The following ANKFN1 variants were observed in gnomAD, a reference collection of about 807,000 sequenced individuals.
ANKFN1 encodes ankyrin repeat and fibronectin type III domain containing 1.
In ANKFN1, 74 loss-of-function variants were observed where a neutral mutation model predicts 108.7. The observed-to-expected ratio is 0.68, with a 90% CI of 0.56 to 0.83. ANKFN1 has a LOEUF of 0.83. ANKFN1 is among the 40% of genes least tolerant of loss of function. The pLI is 0.00. For missense variants in ANKFN1, 1,505 were observed against 1,382.3 expected, an observed-to-expected ratio of 1.09 and a Z score of -1.41; for synonymous variants, 547 against 516.2, an observed-to-expected ratio of 1.06 and a Z score of -0.81.
intron 1 of ANKFN1, among the ~76,000 whole-genome samples, chr17:56,167,692 G>A (rs1357986227): frequency 6.6e-6 from 1 of 152,104 alleles, no homozygotes; most frequent in Non-Finnish European, 1.5e-5. Flanking sequence ...TCCATTGCAG[G>A]CAAGCAGGAA....
chr17:56,085,180 C>CATATATATATATAT lies in ANKFN1; in HGVS notation c.288+38870_288+38883dup, dbSNP rs10572105. Among the ~76,000 whole-genome samples, 352 of 137,674 alleles carry CATATATATATATAT rather than the reference C, an allele frequency of 2.6e-3. 3 individuals are homozygous for CATATATATATATAT. Among genetic ancestry groups the CATATATATATATAT allele is most frequent in the African/African-American group, 9.3e-3 (333 of 35,616 alleles). 90.3% of individuals were successfully genotyped at this position (137,674 alleles called of 152,430 possible). A position where few individuals can be genotyped will look rare whatever the true frequency, so the allele number is the denominator to read the frequency against. The stretch of plus-strand genomic sequence containing the variant: ...TCTGGTTAAATGTTGCCCTCCAAAG[C>CATATATATATATAT]ATATATATATATATATATATATATA... On this transcript the variant is annotated intron_variant, in intron 4 of 12. Coordinates refer to the ANKFN1 transcript ENST00000635860.
At chr17:56,207,512 A>G (rs1459881579) in intron 1 of ANKFN1, among the ~76,000 whole-genome samples, 1 of 151,968 alleles carries the variant, frequency 6.6e-6, no homozygotes, top group Non-Finnish European at 1.5e-5. Context: ...TGGTCCTTAA[A>G]TCTCCAGGCC....
At chr17:56,357,266 A>G (rs1188884868) in intron 6 of ANKFN1, among the ~76,000 whole-genome samples, 1 of 152,250 alleles carries the variant, frequency 6.6e-6, no homozygotes, top group Non-Finnish European at 1.5e-5. Context: ...TGAAGTCTCC[A>G]CATACAACAT....
intron 1 of ANKFN1, among the ~76,000 whole-genome samples, chr17:56,161,188 G>A (rs898413251): frequency 6.6e-6 from 1 of 152,166 alleles, no homozygotes; most frequent in African/African-American, 2.4e-5. Context: ...GATTAAATGA[G>A]ATTATGCATT....
At chr17:56,135,346 T>C (rs1907536055) in intron 4 of ANKFN1, among the ~76,000 whole-genome samples, 1 of 152,206 alleles carries the variant, frequency 6.6e-6, no homozygotes, top group Non-Finnish European at 1.5e-5. Context: ...GACTATTTTC[T>C]GCCCCAAGTC....
intron 4 of ANKFN1, among the ~76,000 whole-genome samples, chr17:56,053,135 A>G (rs140178023): frequency 2.6e-3 from 401 of 152,298 alleles, no homozygotes; most frequent in African/African-American, 9.1e-3. Context: ...GGCTTTGAGC[A>G]TATATTATTT....
chr17:56,401,319 T>C (rs887266106), intron 8 of ANKFN1, among the ~76,000 whole-genome samples: 3 of 151,704 alleles, frequency 2.0e-5, no homozygotes, highest in African/African-American at 7.3e-5. Flanking sequence ...GTTAGGTACA[T>C]TCCGAAGTAT....
intron 3 of ANKFN1, among the ~76,000 whole-genome samples, chr17:56,238,578 T>C (rs1297283485): frequency 6.6e-6 from 1 of 152,132 alleles, no homozygotes; most frequent in Non-Finnish European, 1.5e-5. Flanking sequence ...TTAAAGTCTG[T>C]TTTGTCTGAA....
chr17:56,391,583 T>C (rs1407286038), intron 8 of ANKFN1, among the ~76,000 whole-genome samples: 1 of 151,792 alleles, frequency 6.6e-6, no homozygotes, highest in Non-Finnish European at 1.5e-5. Context: ...TGTGCCACCA[T>C]GCCCTGCTAA....
At chr17:56,424,329 T>C (rs898125906) in intron 8 of ANKFN1, among the ~76,000 whole-genome samples, 1 of 152,216 alleles carries the variant, frequency 6.6e-6, no homozygotes, top group African/African-American at 2.4e-5. Flanking sequence ...TTCATTAAAC[T>C]GTGTGAGAAG....
intron 8 of ANKFN1, among the ~76,000 whole-genome samples, chr17:56,414,974 C>G (rs772523782): frequency 6.6e-6 from 1 of 151,792 alleles, no homozygotes; most frequent in Non-Finnish European, 1.5e-5. Flanking sequence ...GAGCCAAGAT[C>G]GCACCACTGC....
rs187868195 is a variant in ANKFN1, at chr17:56,130,267, G to C, written c.288+83942G>C. On this transcript the variant is annotated intron_variant, in intron 4 of 12. Transcript: ENST00000635860. ...TACAGTAGCTTCCTGGCAGGCCCTC[G>C]CTGGCAGTTTTAAGGTAGCTAGTGG... 3.0e-4 allele frequency among the ~76,000 whole-genome samples: 46 copies of C among 152,270 alleles called. No homozygotes were observed. In the East Asian group the frequency reaches 3.3e-3, roughly 11 times the overall value.
chr17:56,451,239 C>G (rs17820396), intron 11 of ANKFN1, among the ~76,000 whole-genome samples: 2,768 of 152,238 alleles, frequency 0.018, 57 homozygotes, highest in East Asian at 0.093. Flanking sequence ...TTTGCTTAAA[C>G]AAGCATTTTC....
At chr17:56,221,740 C>T (rs12453947) in intron 2 of ANKFN1, among the ~76,000 whole-genome samples, 44,971 of 152,094 alleles carry the variant, frequency 0.3, 8,164 homozygotes, top group South Asian at 0.41. Flanking sequence ...AGCTGAAGCT[C>T]GGCCTACATT....
At chr17:56,437,815 G>A (rs187124342) in intron 8 of ANKFN1, among the ~76,000 whole-genome samples, 120 of 152,100 alleles carry the variant, frequency 7.9e-4, no homozygotes, top group Non-Finnish European at 1.3e-3. Context: ...TATTTGTAAG[G>A]AGGTATAGAC....
chr17:56,505,649 T>A (rs575977267), intron 20 of ANKFN1, among the ~76,000 whole-genome samples: 1 of 152,262 alleles, frequency 6.6e-6, no homozygotes, highest in Admixed American at 6.5e-5. Context: ...TAATTTATAA[T>A]AAAACTTGGT....
At chr17:56,301,461 A>G (rs1436839900) in intron 3 of ANKFN1, among the ~76,000 whole-genome samples, 1 of 152,166 alleles carries the variant, frequency 6.6e-6, no homozygotes, top group Non-Finnish European at 1.5e-5. Flanking sequence ...ATCTCAACCC[A>G]TTTTCACTAC....
chr17:56,510,909 A>C lies in ANKFN1; in HGVS notation c.3081A>C (p.Leu1027=), dbSNP rs770532614. 142 of 1,535,984 alleles carry C rather than the reference A, an allele frequency of 9.2e-5. No homozygotes were observed. Among genetic ancestry groups the C allele is most frequent in the Non-Finnish European group, 1.2e-4 (135 of 1,146,886 alleles). ...WLRIHSETQS[L]SLSEGIYTQH... Reference sequence around the variant, plus strand: ...GCATCCACAGCGAGACCCAGTCGCTATCGCTCTCTGAGGGCATTTATACAC... The same window carrying C: ...GCATCCACAGCGAGACCCAGTCGCTCTCGCTCTCTGAGGGCATTTATACAC... The change falls in exon 21 of 21, where the codon CTA becomes CTC. Residue 1027 remains leucine, a synonymous_variant. Transcript: ENST00000682825.
At position 56,457,937 on chromosome 17, in the gene ANKFN1, G is replaced by T. The variant is rs755530341; in HGVS notation, c.1515G>T (p.Leu505=). ...IPISSSSSTV[L]QTRQKMLAAT... ...TATCCTCATCCTCATCCACAGTGCT[G>T]CAAACTCGGCAGAAGATGCTCGCAG... The change falls in exon 14 of 21, where the codon CTG becomes CTT. Residue 505 remains leucine (L), a synonymous_variant. Coordinates refer to ENST00000682825, the MANE Select transcript of ANKFN1 (RefSeq NM_001370326.1). 6.2e-6 allele frequency: 10 copies of T among 1,614,078 alleles called. No homozygotes were observed. Among genetic ancestry groups the T allele is most frequent in the Non-Finnish European group, 2.5e-6 (3 of 1,179,982 alleles).
Sources: allele counts gnomAD v4.1 joint callset (sites outside exome capture counted in the v4.1 genomes callset), GRCh38; gene constraint gnomAD v4.1.1; transcripts MANE v1.5; gene names NCBI Gene and HGNC (gene_info 2026-07-23, HGNC 2026-07-21).